Variants in FAM120B observed in about 807,000 individuals in gnomAD.
FAM120B encodes the protein family with sequence similarity 120 member B.
A neutral mutation model predicts 96.3 loss-of-function variants in FAM120B; 83 were observed. The ratio of observed to expected loss-of-function variants is 0.86; its 90% CI spans 0.72 to 1.03. FAM120B has a LOEUF of 1.03. Among genes scored for constraint, FAM120B ranks in the 50% least tolerant of loss-of-function variants. The pLI is 0.00. For missense variants in FAM120B, 1,027 were observed against 1,121.2 expected (o/e 0.92, Z 1.20); for synonymous variants, 407 against 402.7 (o/e 1.01, Z -0.13).
upstream of FAM120B, among the ~76,000 whole-genome samples, chr6:170,293,232 A>G (rs1047917664): frequency 6.6e-6 from 1 of 152,186 alleles, no homozygotes; most frequent in Non-Finnish European, 1.5e-5. Flanking sequence ...AGAAATGTAA[A>G]AAAAGAAGAG....
chr6:170,318,003 A>C lies in FAM120B; in HGVS notation c.613A>C (p.Met205Leu), dbSNP rs1386449320. ...ELCLESLDTV[M>L]LCREKLCESL... ...CTGCCTAGAGAGCCTGGACACCGTC[A>C]TGCTCTGCAGAGAGAAGCTCTGTGA... Residue 205 changes from methionine to leucine, a missense_variant, in exon 2 of 11, where the codon ATG becomes CTG. This residue lies in a region of FAM120B where 880 missense variants were observed against 980.9 expected (regional missense o/e 0.90). Coordinates refer to ENST00000476287, the MANE Select transcript of FAM120B (RefSeq NM_032448.3). 6.2e-7 allele frequency: 1 copy of C among 1,613,900 alleles called. No homozygotes were observed. The highest frequency in any genetic ancestry group is 8.5e-7 in the Non-Finnish European group (1 of 1,179,842).
intron 3 of FAM120B, among the ~76,000 whole-genome samples, chr6:170,325,264 T>C (rs1369826184): frequency 6.6e-6 from 1 of 152,164 alleles, no homozygotes; most frequent in Non-Finnish European, 1.5e-5. Flanking sequence ...AATGTTTGCA[T>C]GGTATGGTAT....
intron 6 of FAM120B, among the ~76,000 whole-genome samples, chr6:170,359,610 A>ATG (rs903592461): frequency 6.6e-6 from 1 of 151,626 alleles, no homozygotes; most frequent in Non-Finnish European, 1.5e-5. Flanking sequence ...GTGCGTGTAC[A>ATG]TGTGTGTGTG....
chr6:170,294,020 G>A (rs1340488504), upstream of FAM120B, among the ~76,000 whole-genome samples: 1 of 152,126 alleles, frequency 6.6e-6, no homozygotes, highest in African/African-American at 2.4e-5. The surrounding 1 kb of genome is among the most constrained non-coding windows in gnomAD (Gnocchi z 7.9). Context: ...GCCTTTAGAC[G>A]CCATCAGCCC....
At chr6:170,322,312 C>G (rs951439360) in intron 2 of FAM120B, among the ~76,000 whole-genome samples, 1 of 152,180 alleles carries the variant, frequency 6.6e-6, no homozygotes, top group African/African-American at 2.4e-5. Flanking sequence ...GACCAGACAG[C>G]TGCGTTACAG....
chr6:170,298,568 T>C (rs537821504), intron 1 of FAM120B, among the ~76,000 whole-genome samples: 7 of 151,912 alleles, frequency 4.6e-5, no homozygotes, highest in African/African-American at 7.3e-5. Context: ...TGGAGTGGCA[T>C]ATTTGTCGGT....
At chr6:170,325,830 G>A (rs777459195) in intron 3 of FAM120B, among the ~76,000 whole-genome samples, 1 of 146,916 alleles carries the variant, frequency 6.8e-6, no homozygotes, top group Non-Finnish European at 1.5e-5. Flanking sequence ...ACAAGATGGG[G>A]ACAAGAGCGA....
chr6:170,365,180 T>TTG (rs1225488813), intron 6 of FAM120B, among the ~76,000 whole-genome samples: 1 of 152,096 alleles, frequency 6.6e-6, no homozygotes, highest in East Asian at 1.9e-4. Flanking sequence ...GAATACGTAT[T>TTG]TGTGTGTGTG....
chr6:170,399,585 C>A (rs76571044), intron 9 of FAM120B, among the ~76,000 whole-genome samples: 2 of 143,572 alleles, frequency 1.4e-5, no homozygotes, highest in South Asian at 4.5e-4. Flanking sequence ...ATGTCATAAC[C>A]CTTAGGAGTG....
chr6:170,322,853 G>A (rs771335585), intron 2 of FAM120B, among the ~76,000 whole-genome samples: 1 of 152,008 alleles, frequency 6.6e-6, no homozygotes, highest in Non-Finnish European at 1.5e-5. Context: ...CAGAAGATAA[G>A]ACTGGTAGAC....
intron 1 of FAM120B, among the ~76,000 whole-genome samples, chr6:170,315,257 C>T (rs528265898): frequency 2.0e-5 from 3 of 152,310 alleles, no homozygotes; most frequent in African/African-American, 7.2e-5. Flanking sequence ...CATGCAAGGC[C>T]TGTTTAAATT....
At chr6:170,320,230 T>C (rs1785198771) in intron 2 of FAM120B, among the ~76,000 whole-genome samples, 1 of 152,194 alleles carries the variant, frequency 6.6e-6, no homozygotes, top group Admixed American at 6.5e-5. Context: ...AAGCTCCTGC[T>C]CCTAGTCTGA....
In FAM120B at chr6:170,403,219, GTA is replaced by G. The variant is rs147996556; in HGVS notation, c.2693-1329_2693-1328del. On this transcript the variant is annotated intron_variant, in intron 9 of 10. Transcript: ENST00000476287. ...AATTTCAGAGATTCCAGTATAAAGT[GTA>G]TGTTATACACACATGCACACACACT... Among the ~76,000 whole-genome samples the G allele has an allele frequency of 7.1e-3, 1,081 of 152,264 alleles. 10 individuals carry two copies. Among genetic ancestry groups the G allele is most frequent in the African/African-American group, 0.025 (1,027 of 41,560 alleles).
chr6:170,359,609 CAT>C (rs1491270872), intron 6 of FAM120B, among the ~76,000 whole-genome samples: 4 of 152,098 alleles, frequency 2.6e-5, no homozygotes, highest in East Asian at 1.9e-4. Context: ...TGTGCGTGTA[CAT>C]GTGTGTGTGT....
chr6:170,313,152 T>G (rs1784692667), intron 1 of FAM120B, among the ~76,000 whole-genome samples: 1 of 152,184 alleles, frequency 6.6e-6, no homozygotes, highest in African/African-American at 2.4e-5. Flanking sequence ...CCCTTATTTA[T>G]TCACCTGGTT....
At chr6:170,336,057 TC>T (rs1042794790) in intron 4 of FAM120B, among the ~76,000 whole-genome samples, 2 of 152,228 alleles carry the variant, frequency 1.3e-5, no homozygotes, top group African/African-American at 4.8e-5. Flanking sequence ...TTTAATTAGA[TC>T]CCATTTGTCA....
intron 6 of FAM120B, 107 bp from the exon 7 acceptor site, chr6:170,388,180 C>T (rs1790296897): frequency 1.1e-6 from 1 of 891,452 alleles, no homozygotes; most frequent in African/African-American, 1.7e-5. Context: ...TGTCCAGTTA[C>T]TGAGTGAGCA....
chr6:170,362,117 T>G (rs944892716), intron 6 of FAM120B, among the ~76,000 whole-genome samples: 3 of 152,210 alleles, frequency 2.0e-5, no homozygotes, highest in Non-Finnish European at 2.9e-5. Context: ...AGTACAGAAG[T>G]AAAGTAAATT....
chr6:170,319,842 G>T (rs760923847), intron 2 of FAM120B, among the ~76,000 whole-genome samples: 2 of 152,216 alleles, frequency 1.3e-5, no homozygotes. Flanking sequence ...AGGCTAGAGC[G>T]TGGGGTTTGG....
Sources: gnomAD v4.1 joint callset for allele counts (sites outside exome capture counted in the v4.1 genomes callset) on GRCh38, gnomAD v4.1.1 for gene constraint, gnomAD v4.1.1 regional missense constraint, Gnocchi (gnomAD v3.1) non-coding constraint, MANE v1.5 for transcripts, NCBI Gene and HGNC (gene_info 2026-07-23, HGNC 2026-07-21) for gene names.